GRID2: variants seen among roughly 807,000 people sequenced by gnomAD.
GRID2 encodes the protein glutamate receptor ionotropic, delta-2.
In GRID2, 33 loss-of-function variants were observed where a neutral mutation model predicts 114.8. The ratio of observed to expected loss-of-function variants is 0.29; its 90% CI spans 0.22 to 0.38. The LOEUF is 0.38. Ranked by LOEUF, GRID2 falls within the 10% of genes least tolerant of loss-of-function variation. The pLI, the probability that GRID2 is intolerant of heterozygous loss-of-function variation, is 1.00. For synonymous variants in GRID2, 505 were observed against 449.9 expected (o/e 1.12, Z -1.55); for missense variants, 1,184 against 1,257.7 (o/e 0.94, Z 0.89).
At chr4:93,505,269 C>T (rs1489918342) in intron 12 of GRID2, among the ~76,000 whole-genome samples, 1 of 151,914 alleles carries the variant, frequency 6.6e-6, no homozygotes, top group Admixed American at 6.6e-5. Flanking sequence ...TAGTGAAGTC[C>T]TTCCTGAATT....
chr4:92,765,957 A>G (rs1310983589), intron 2 of GRID2, among the ~76,000 whole-genome samples: 1 of 152,130 alleles, frequency 6.6e-6, no homozygotes. Flanking sequence ...ATTTTGATAT[A>G]CACTTCTGTA....
chr4:93,004,285 A>G (rs1311672282), intron 2 of GRID2, among the ~76,000 whole-genome samples: 2 of 151,854 alleles, frequency 1.3e-5, no homozygotes, highest in African/African-American at 2.4e-5. Flanking sequence ...TGGGTCCACA[A>G]CCCTAATCAA....
chr4:92,690,711 C>G (rs1236230269), intron 2 of GRID2, among the ~76,000 whole-genome samples: 2 of 152,020 alleles, frequency 1.3e-5, no homozygotes, highest in South Asian at 4.1e-4. Flanking sequence ...AAAACTGAGG[C>G]ACTTTACTGT....
chr4:93,326,474 C>T (rs1183179688), intron 8 of GRID2, among the ~76,000 whole-genome samples: 1 of 152,036 alleles, frequency 6.6e-6, no homozygotes, highest in Non-Finnish European at 1.5e-5. Context: ...ACCATGGCTT[C>T]CAGAGAATCT....
chr4:92,569,121 C>A (rs1195601064), intron 1 of GRID2, among the ~76,000 whole-genome samples: 3 of 151,976 alleles, frequency 2.0e-5, no homozygotes, highest in Non-Finnish European at 2.9e-5. Flanking sequence ...CTCTCTCCTT[C>A]CACCCCACAC....
chr4:93,266,780 T>G (rs971934389), intron 8 of GRID2, among the ~76,000 whole-genome samples: 6 of 152,182 alleles, frequency 3.9e-5, no homozygotes, highest in Non-Finnish European at 7.3e-5. Context: ...CTAGGCTTTA[T>G]GAATGAAAGC....
At chr4:92,459,660 G>T (rs1721382667) in intron 1 of GRID2, among the ~76,000 whole-genome samples, 1 of 151,874 alleles carries the variant, frequency 6.6e-6, no homozygotes, top group Non-Finnish European at 1.5e-5. Context: ...ATTTTATTCT[G>T]TTGTAATTGA....
intron 2 of GRID2, among the ~76,000 whole-genome samples, chr4:92,911,687 T>C (rs1308472670): frequency 2.0e-5 from 3 of 151,916 alleles, no homozygotes; most frequent in Non-Finnish European, 2.9e-5. Context: ...CTTTTTTAAA[T>C]GTACCACCTT....
In GRID2 at chr4:93,188,064, G is replaced by A. The variant is rs544417627; in HGVS notation, c.736-19340G>A. Among the ~76,000 whole-genome samples, 10 of 151,920 alleles carry A rather than the reference G, an allele frequency of 6.6e-5. No individual in the cohort carries two copies. In the East Asian group the frequency reaches 1.9e-3, roughly 29 times the overall value. ...TTTGCGGAATGCAACCAGTATTGCA[G>A]CTCTCACAGGTTAGACTTGCATGCT... On this transcript the variant is annotated intron_variant, in intron 4 of 15. Coordinates refer to ENST00000282020, the MANE Select transcript of GRID2 (RefSeq NM_001510.4).
intron 2 of GRID2, among the ~76,000 whole-genome samples, chr4:92,969,611 A>C (rs893947023): frequency 6.6e-6 from 1 of 151,610 alleles, no homozygotes; most frequent in Non-Finnish European, 1.5e-5. Context: ...AATCTTCCTC[A>C]TAACGCTATG....
At chr4:92,685,881 C>T (rs950170928) in intron 2 of GRID2, among the ~76,000 whole-genome samples, 6 of 152,024 alleles carry the variant, frequency 3.9e-5, no homozygotes, top group African/African-American at 1.4e-4. Context: ...CCAACCCCTT[C>T]AGTAAAGTGA....
At chr4:92,585,266 G>T (rs369342345) in intron 1 of GRID2, among the ~76,000 whole-genome samples, 1 of 151,928 alleles carries the variant, frequency 6.6e-6, no homozygotes, top group African/African-American at 2.4e-5. Flanking sequence ...TTGTTAAAAA[G>T]AAAATAAAAG....
chr4:93,060,738 T>G (rs1727706326), intron 2 of GRID2, among the ~76,000 whole-genome samples: 1 of 152,174 alleles, frequency 6.6e-6, no homozygotes, highest in African/African-American at 2.4e-5. Flanking sequence ...TTTACAAAAT[T>G]TTGCAGAAGC....
At chr4:92,956,754 CA>C (rs971492033) in intron 2 of GRID2, among the ~76,000 whole-genome samples, 2 of 152,180 alleles carry the variant, frequency 1.3e-5, no homozygotes, top group Non-Finnish European at 2.9e-5. Flanking sequence ...GCAGCTGTAA[CA>C]ATTTGCATTC....
intron 2 of GRID2, among the ~76,000 whole-genome samples, chr4:93,015,186 T>C (rs1722557841): frequency 6.6e-6 from 1 of 152,154 alleles, no homozygotes; most frequent in Non-Finnish European, 1.5e-5. Flanking sequence ...TTTTGGCAGC[T>C]GTCTGTAACC....
intron 1 of GRID2, among the ~76,000 whole-genome samples, chr4:92,377,674 G>A (rs1289156893): frequency 6.6e-6 from 1 of 152,132 alleles, no homozygotes; most frequent in Non-Finnish European, 1.5e-5. Flanking sequence ...GTTCCACATG[G>A]TTGGGGAGGC....
intron 1 of GRID2, among the ~76,000 whole-genome samples, chr4:92,408,744 A>G (rs1731154219): frequency 6.6e-6 from 1 of 151,926 alleles, no homozygotes; most frequent in Non-Finnish European, 1.5e-5. Context: ...TGACTATGAT[A>G]AATGGGATTG....
rs1181169326 is a variant in GRID2, at chr4:92,477,038, CATGTGTGTGTGT to C, written c.89-113092_89-113081del. ...ATGGCTAAACTATTTGATTTAACTT[CATGTGTGTGTGT>C]GTGTGTGTGTGTGTGTGTGTGTGTG... On this transcript the variant is annotated intron_variant, in intron 1 of 15. Coordinates refer to ENST00000282020, the MANE Select transcript of GRID2 (RefSeq NM_001510.4). 3.8e-3 allele frequency among the ~76,000 whole-genome samples: 403 copies of C among 104,878 alleles called. 5 individuals carry two copies. The highest frequency in any genetic ancestry group is 0.013 in the African/African-American group (376 of 29,950). 68.8% of individuals were successfully genotyped at this position (104,878 alleles called of 152,430 possible).
chr4:93,049,552 C>G (rs1304709448), intron 2 of GRID2, among the ~76,000 whole-genome samples: 1 of 151,344 alleles, frequency 6.6e-6, no homozygotes, highest in African/African-American at 2.4e-5. Flanking sequence ...AAACTTTAGG[C>G]CACAATTTTT....
Sources: allele counts gnomAD v4.1 joint callset (sites outside exome capture counted in the v4.1 genomes callset), GRCh38; gene constraint gnomAD v4.1.1; transcripts MANE v1.5; gene names NCBI Gene and HGNC (gene_info 2026-07-23, HGNC 2026-07-21).